The following MYO15A variants were observed in gnomAD, a reference collection of about 807,000 sequenced individuals.
MYO15A encodes unconventional myosin-XV.
In MYO15A, 308 loss-of-function variants were observed where a neutral mutation model predicts 394.6. The ratio of observed to expected loss-of-function variants is 0.78; its 90% CI spans 0.71 to 0.86. MYO15A has a LOEUF of 0.86. Among genes scored for constraint, MYO15A ranks in the 40% least tolerant of loss-of-function variants. MYO15A has a pLI of 0.00. For synonymous variants in MYO15A, 1,957 were observed against 2,003.8 expected (o/e 0.98, Z 0.62); for missense variants, 4,606 against 4,799.1 (o/e 0.96, Z 1.19).
chr17:18,144,592 G>C lies in MYO15A; in HGVS notation c.6273G>C (p.Leu2091=). ...HHAEAVSIFK[L]ILRFMGDPHL... Reference sequence around the variant, plus strand: ...CAGAAGCCGTGAGCATCTTCAAGCTGGTATGGGGTCTGCCCCAGCCCACCT... The same window carrying C: ...CAGAAGCCGTGAGCATCTTCAAGCTCGTATGGGGTCTGCCCCAGCCCACCT... The change falls in exon 29 of 66, where the codon CTG becomes CTC. Residue 2091 remains leucine (L), a splice_region_variant and synonymous_variant. Coordinates refer to ENST00000647165, the MANE Select transcript of MYO15A (RefSeq NM_016239.4). The C allele has an allele frequency of 6.2e-7, 1 of 1,611,626 alleles. No individual in the cohort carries two copies. The highest frequency in any genetic ancestry group is 8.5e-7 in the Non-Finnish European group (1 of 1,179,958).
Position 18,121,368 on chromosome 17 carries a change from C to T in MYO15A, c.2568C>T (p.Ser856=), listed in dbSNP as rs926789052. The stretch of plus-strand genomic sequence containing the variant: ...CGCCGCCCCTGGGGCTCTGCCACAG[C>T]CCGCGGCGCAGCTCCCTGAATCTGC... ...PPSPPLGLCH[S]PRRSSLNLPS... is the part of the protein sequence containing the mutation. The change falls in exon 2 of 66, where the codon AGC becomes AGT. Residue 856 remains serine, a synonymous_variant. Coordinates refer to ENST00000647165, the MANE Select transcript of MYO15A (RefSeq NM_016239.4). The surrounding 1 kb of genome is among the most constrained non-coding windows in gnomAD (Gnocchi z 5.3). The T allele has an allele frequency of 1.3e-6, 2 of 1,499,044 alleles. No individual in the cohort carries two copies. Among genetic ancestry groups the T allele is most frequent in the African/African-American group, 2.9e-5 (2 of 69,530 alleles). The allele number at this position is 1,499,044 out of a possible 1,614,324, so 92.9% of individuals were successfully genotyped here. A position where few individuals can be genotyped will look rare whatever the true frequency, so the allele number is the denominator to read the frequency against.
At chr17:18,175,558 A>G (rs555922932) in intron 65 of MYO15A, among the ~76,000 whole-genome samples, 1 of 152,110 alleles carries the variant, frequency 6.6e-6, no homozygotes, top group East Asian at 1.9e-4. Context: ...CCCAAAGTGT[A>G]GGGAGGGGCG....
rs1298273709 is a variant in MYO15A, at chr17:18,121,763, T to G, written c.2963T>G (p.Val988Gly). The change falls in exon 2 of 66, where the codon GTC becomes GGC. Residue 988 changes from valine (V) to glycine (G), a missense_variant. By Grantham distance (109) the Val-to-Gly change is moderately radical (BLOSUM62 -3). Transcript: ENST00000647165. This position sits in a 1 kb window ranked among gnomAD's most constrained non-coding sequence, Gnocchi z 5.3. ...GATCCAGCTGCTGATATGACCAGGG[T>G]CTTCCTGGGCAGACACCATGAGCCG... The part of the protein sequence containing the change: ...PEDPAADMTR[V>G]FLGRHHEPGP... The G allele has an allele frequency of 3.1e-6, 5 of 1,606,966 alleles. No individual in the cohort carries two copies. The Admixed American group carries it at 6.7e-5, about 22-fold the overall frequency.
At chr17:18,118,318 T>C (rs991491007) in intron 1 of MYO15A, among the ~76,000 whole-genome samples, 2 of 152,206 alleles carry the variant, frequency 1.3e-5, no homozygotes, top group African/African-American at 4.8e-5. Flanking sequence ...GCCCCACTTC[T>C]GGCCCAGTGC....
rs1597765598 is a variant in MYO15A, at chr17:18,125,379, T to C, written c.3756+148T>C. ...CAGAGCCTAGAACTAAAATCTGAAG[T>C]CTTAAAACACAGTCTTAGAATGGTG... On this transcript the variant is annotated intron_variant, in intron 4 of 65. Coordinates refer to ENST00000647165, the MANE Select transcript of MYO15A (RefSeq NM_016239.4). 37 of 798,344 alleles carry C rather than the reference T, an allele frequency of 4.6e-5. 1 individual carries two copies. The East Asian group carries it at 9.5e-4, about 20-fold the overall frequency. The allele number at this position is 798,344 out of a possible 1,614,324, so 49.5% of individuals were successfully genotyped here.
intron 16 of MYO15A, 149 bp downstream of exon 16, chr17:18,137,828 A>G: frequency 9.9e-7 from 1 of 1,009,202 alleles, no homozygotes; most frequent in Admixed American, 2.0e-5. Flanking sequence ...GGACCAGCCC[A>G]TGGGAAGGCC....
chr17:18,151,046 T>C (rs1278674916), intron 38 of MYO15A, 64 bp from the exon 39 acceptor site: 1 of 1,609,886 alleles, frequency 6.2e-7, no homozygotes, highest in Non-Finnish European at 8.5e-7. Context: ...GACAGAGATC[T>C]GGAGTCCCAG....
intron 2 of MYO15A, chr17:18,124,115 T>C: frequency 2.9e-6 from 1 of 339,176 alleles, no homozygotes. Context: ...GTCACAAGTG[T>C]CCTTTGAGTT....
intron 62 of MYO15A, 148 bp downstream of exon 62, chr17:18,167,871 C>T: frequency 7.5e-7 from 1 of 1,326,920 alleles, no homozygotes. Context: ...GCTGTCCTTG[C>T]CTGGGGGCTG....
In MYO15A at chr17:18,153,586, T is replaced by C; in HGVS notation, c.7967-189T>C. On this transcript the variant is annotated intron_variant, in intron 42 of 65. Coordinates refer to ENST00000647165, the MANE Select transcript of MYO15A (RefSeq NM_016239.4). The surrounding 1 kb of genome is among the most constrained non-coding windows in gnomAD (Gnocchi z 4.1). ...CGTGGCGGGCGCCTGTAATCCCAGC[T>C]ACTCAGGAGGCTGAGGCAGGAGAAT... is the stretch of plus-strand genomic sequence containing the variant. The C allele has an allele frequency of 2.6e-6, 1 of 389,358 alleles. No homozygotes were observed. The highest frequency in any genetic ancestry group is 3.8e-6 in the Non-Finnish European group (1 of 261,574). The allele number at this position is 389,358 out of a possible 1,614,324, so 24.1% of individuals were successfully genotyped here. A position where few individuals can be genotyped will look rare whatever the true frequency, so the allele number is the denominator to read the frequency against.
At chr17:18,142,920 G>A (rs959185740) in intron 25 of MYO15A, 80 bp downstream of exon 25, 4 of 1,334,548 alleles carry the variant, frequency 3.0e-6, no homozygotes, top group Non-Finnish European at 4.2e-6. Flanking sequence ...GGAGACTACT[G>A]GCCTCAGGCA....
At chr17:18,142,033 A>C in intron 23 of MYO15A, 46 bp from the exon 24 acceptor site, 2 of 1,605,590 alleles carry the variant, frequency 1.2e-6, no homozygotes, top group Non-Finnish European at 1.7e-6. Flanking sequence ...CCCTTAGTCC[A>C]GCCTCCTGGC....
Position 18,130,243 on chromosome 17 carries a change from T to C in MYO15A, c.4033-562T>C, listed in dbSNP as rs539881242. On this transcript the variant is annotated intron_variant, in intron 7 of 65. Coordinates refer to ENST00000647165, the MANE Select transcript of MYO15A (RefSeq NM_016239.4). ...GAGAGCCTATTAAGCACCAGGTCTGTGTAGACGCTGGGGACTCAGAGATGT... is the reference window on the plus strand; with the variant it reads ...GAGAGCCTATTAAGCACCAGGTCTGCGTAGACGCTGGGGACTCAGAGATGT... Among the ~76,000 whole-genome samples, 3 of 152,268 alleles carry C rather than the reference T, an allele frequency of 2.0e-5. No homozygotes were observed. The South Asian group carries it at 6.2e-4, about 32-fold the overall frequency.
rs766609255 is a variant in MYO15A, at chr17:18,140,807, G to T, written c.5381G>T (p.Arg1794Leu). The T allele has an allele frequency of 6.2e-7, 1 of 1,614,124 alleles. No individual in the cohort carries two copies. Among genetic ancestry groups the T allele is most frequent in the Non-Finnish European group, 8.5e-7 (1 of 1,180,030 alleles). The change falls in exon 21 of 66, where the codon CGT becomes CTT. Residue 1794 changes from arginine (R) to leucine (L), a missense_variant. Transcript: ENST00000647165. Reference protein sequence around the residue: ...KMERCNPLFMRCLKPNHKKEP... With the variant: ...KMERCNPLFMLCLKPNHKKEP... ...GCCAGGTGCAACCCCTTGTTCATGC[G>T]TTGCCTGAAGCCCAACCACAAGAAG... is the stretch of plus-strand genomic sequence containing the variant.
chr17:18,138,603 C>T (rs1205254852), intron 17 of MYO15A, among the ~76,000 whole-genome samples: 1 of 152,204 alleles, frequency 6.6e-6, no homozygotes, highest in Non-Finnish European at 1.5e-5. Context: ...CACCCAGCTA[C>T]ACCTATCTTC....
intron 18 of MYO15A, 96 bp downstream of exon 18, chr17:18,139,032 C>A: frequency 6.6e-7 from 1 of 1,525,858 alleles, no homozygotes; most frequent in Non-Finnish European, 8.9e-7. Context: ...CATTCACAGC[C>A]AGGTCCAATT....
At position 18,127,149 on chromosome 17, in the gene MYO15A, G is replaced by A. The variant is rs368407094; in HGVS notation, c.4016G>A (p.Arg1339Gln). The part of the protein sequence containing the change: ...LRYLAAMNQK[R>Q]EVMQQIKILE... ...TACCTGGCCGCCATGAACCAGAAAC[G>A]GGAGGTCATGCAGCAGGTGAGTCTA... Residue 1339 changes from arginine (R) to glutamine (Q), a missense_variant, in exon 7 of 66, where the codon CGG becomes CAG. Physicochemically the swap from Arg to Gln is conservative, Grantham distance 43. Around this residue, in one of 2 missense-constraint regions of MYO15A, gnomAD observed 2,776 missense variants for 3,109.3 expected, o/e 0.89. Coordinates refer to ENST00000647165, the MANE Select transcript of MYO15A (RefSeq NM_016239.4). 6 of 1,613,668 alleles carry A rather than the reference G, an allele frequency of 3.7e-6. No homozygotes were observed. Among genetic ancestry groups the A allele is most frequent in the African/African-American group, 1.3e-5 (1 of 74,814 alleles).
intron 65 of MYO15A, 157 bp from the exon 66 acceptor site, chr17:18,178,612 T>A (rs970267809): frequency 1.6e-5 from 12 of 757,392 alleles, no homozygotes; most frequent in Non-Finnish European, 2.5e-5. Flanking sequence ...CAGCTCTTCA[T>A]GCTCCTCTCA....
chr17:18,113,781 T>A (rs2045750501), intron 1 of MYO15A, among the ~76,000 whole-genome samples: 1 of 140,272 alleles, frequency 7.1e-6, no homozygotes, highest in African/African-American at 2.8e-5. Flanking sequence ...AAACTTATAT[T>A]CTTAGCACCT....
Sources: gnomAD v4.1 joint callset for allele counts (sites outside exome capture counted in the v4.1 genomes callset) on GRCh38, gnomAD v4.1.1 for gene constraint, gnomAD v4.1.1 regional missense constraint, Gnocchi (gnomAD v3.1) non-coding constraint, MANE v1.5 for transcripts, NCBI Gene and HGNC (gene_info 2026-07-23, HGNC 2026-07-21) for gene names.